The following UNKL variants were observed in gnomAD, a reference collection of about 807,000 sequenced individuals.
UNKL encodes putative E3 ubiquitin-protein ligase UNKL.
A neutral mutation model predicts 78.0 loss-of-function variants in UNKL; 60 were observed. The ratio of observed to expected loss-of-function variants is 0.77; its 90% CI spans 0.63 to 0.95. The LOEUF is 0.95. Among genes scored for constraint, UNKL ranks in the 40% least tolerant of loss-of-function variants. The pLI is 0.00. For missense variants in UNKL, 1,159 were observed against 1,045.7 expected (o/e 1.11, Z -1.49); for synonymous variants, 608 against 474.8 (o/e 1.28, Z -3.65).
intron 2 of UNKL, chr16:1,405,926 C>G (rs984778482): frequency 8.8e-6 from 4 of 456,468 alleles, no homozygotes; most frequent in African/African-American, 8.0e-5. Flanking sequence ...GGAGGGTCCA[C>G]CAGACCCCCT....
intron 6 of UNKL, among the ~76,000 whole-genome samples, chr16:1,395,331 C>T (rs567414598): frequency 6.6e-5 from 10 of 151,962 alleles, no homozygotes; most frequent in Non-Finnish European, 1.5e-4. Flanking sequence ...CCAAACCTGG[C>T]TAATTTTTGT....
At chr16:1,405,822 G>A (rs958020098) in intron 2 of UNKL, 1 of 401,102 alleles carries the variant, frequency 2.5e-6, no homozygotes, top group Admixed American at 2.7e-5. Context: ...ACGCTCCAAT[G>A]CCCTGGACCC....
intron 5 of UNKL, chr16:1,398,679 G>GCCGCGC: frequency 7.4e-7 from 1 of 1,356,390 alleles, no homozygotes; most frequent in Non-Finnish European, 9.5e-7. Flanking sequence ...TGTGGGGTCT[G>GCCGCGC]CACCCCCCCA....
In UNKL at chr16:1,403,630, C is replaced by T. The variant is rs978951105; in HGVS notation, c.288-286G>A. 6.6e-6 allele frequency among the ~76,000 whole-genome samples: 1 copy of T among 152,204 alleles called. No individual in the cohort carries two copies. On this transcript the variant is annotated intron_variant, in intron 2 of 14. Coordinates refer to ENST00000389221, the MANE Select transcript of UNKL (RefSeq NM_001372107.1). The surrounding 1 kb of genome is among the most constrained non-coding windows in gnomAD (Gnocchi z 4.8). Reference sequence around the variant, plus strand: ...AGTCAGCCAAACACAGCAGGAAACACAATGCTGAATTTCCACAAAGCTCAT... The same window carrying T: ...AGTCAGCCAAACACAGCAGGAAACATAATGCTGAATTTCCACAAAGCTCAT...
chr16:1,408,144 G>A (rs949335709), intron 2 of UNKL, among the ~76,000 whole-genome samples: 1 of 152,154 alleles, frequency 6.6e-6, no homozygotes, highest in Non-Finnish European at 1.5e-5. Flanking sequence ...GGAGAGGCCC[G>A]GGGTCCCGCG....
At chr16:1,397,119 C>A in intron 6 of UNKL, 59 bp downstream of exon 6, 1 of 1,507,344 alleles carries the variant, frequency 6.6e-7, no homozygotes, top group Admixed American at 2.0e-5. Flanking sequence ...GCTGTGAACC[C>A]CACAGCTTCT....
At position 1,364,091 on chromosome 16, in the gene UNKL, T is replaced by C. The variant is rs995266362; in HGVS notation, c.*2149A>G. On this transcript the variant is annotated 3_prime_UTR_variant, in exon 15 of 15. Transcript: ENST00000389221. ...TGGGAACCAAGTGCATAAATACAAA[T>C]AAAAACAGAGTTTACACATCGATGA... 6.6e-6 allele frequency: 1 copy of C among 152,076 alleles called. No individual in the cohort carries two copies. The highest frequency in any genetic ancestry group is 1.5e-5 in the Non-Finnish European group (1 of 68,002). The allele number at this position is 152,076 out of a possible 1,614,324, so 9.4% of individuals were successfully genotyped here.
At chr16:1,369,143 C>T (rs1327689547) in intron 12 of UNKL, among the ~76,000 whole-genome samples, 2 of 141,010 alleles carry the variant, frequency 1.4e-5, no homozygotes, top group African/African-American at 5.2e-5. Context: ...AATCTCAGCT[C>T]ACTGCGACCT....
intron 8 of UNKL, among the ~76,000 whole-genome samples, 199 bp from the exon 9 acceptor site, chr16:1,390,893 G>A (rs937280590): frequency 2.0e-5 from 3 of 152,116 alleles, no homozygotes; most frequent in African/African-American, 7.2e-5. Flanking sequence ...AGCCAGGCGT[G>A]GTGGCACATG....
At chr16:1,367,507 T>G (rs1177799026) in intron 13 of UNKL, 149 bp downstream of exon 13, 5 of 26,400 alleles carry the variant, frequency 1.9e-4, no homozygotes, top group Non-Finnish European at 3.1e-4. Flanking sequence ...CCTCCCTCCC[T>G]CCCTCCCCCT....
Position 1,371,623 on chromosome 16 carries a change from GCC to G in UNKL, c.1265-14_1265-13del. On this transcript the variant is annotated splice_polypyrimidine_tract_variant and intron_variant, in intron 10 of 14. Coordinates refer to ENST00000389221, the MANE Select transcript of UNKL (RefSeq NM_001372107.1). ...GTCTAACGCAGAACCTGTCAACAGA[GCC>G]CCCCATCATCCACAGCCCACCCAGC... 1 of 1,535,778 alleles carries G rather than the reference GCC, an allele frequency of 6.5e-7. No individual in the cohort carries two copies.
In UNKL at chr16:1,399,560, G is replaced by C; in HGVS notation, c.599-51C>G. On this transcript the variant is annotated intron_variant, in intron 4 of 14. Coordinates refer to ENST00000389221, the MANE Select transcript of UNKL (RefSeq NM_001372107.1). The surrounding 1 kb of genome is among the most constrained non-coding windows in gnomAD (Gnocchi z 5.8). ...GAGCAGCGCGACTGGAAGCAATGCT[G>C]GGCAGAGGAGACCAAAGGTGGAAGG... is the stretch of plus-strand genomic sequence containing the variant. 1 of 1,554,810 alleles carries C rather than the reference G, an allele frequency of 6.4e-7. No individual in the cohort carries two copies. Among genetic ancestry groups the C allele is most frequent in the Non-Finnish European group, 8.7e-7 (1 of 1,153,540 alleles).
intron 2 of UNKL, among the ~76,000 whole-genome samples, chr16:1,410,503 A>G (rs979897254): frequency 6.6e-6 from 1 of 152,076 alleles, no homozygotes. Flanking sequence ...GCTACTTGGG[A>G]GGCTGAGGCA....
At chr16:1,389,580 A>G (rs2036958292) in intron 9 of UNKL, among the ~76,000 whole-genome samples, 1 of 152,184 alleles carries the variant, frequency 6.6e-6, no homozygotes, top group African/African-American at 2.4e-5. Context: ...GCCTCAAAAA[A>G]TTTAAGAATC....
chr16:1,385,378 A>G lies in UNKL; in HGVS notation c.1094T>C (p.Leu365Pro). The G allele has an allele frequency of 4.3e-6, 6 of 1,394,334 alleles. No homozygotes were observed. The highest frequency in any genetic ancestry group is 5.6e-6 in the Non-Finnish European group (6 of 1,076,356). 86.4% of individuals were successfully genotyped at this position (1,394,334 alleles called of 1,614,324 possible). A position where few individuals can be genotyped will look rare whatever the true frequency, so the allele number is the denominator to read the frequency against. The change falls in exon 10 of 15, where the codon CTG becomes CCG. Residue 365 changes from leucine (L) to proline (P), a missense_variant. Physicochemically the swap from Leu to Pro is moderately conservative, Grantham distance 98. Transcript: ENST00000389221. ...CGGGTGGACCGCTGCAAACACGGCC[A>G]GGTGGTTCTGTTCAAAGACATAAAC... ...GSEQDSKQNH[L>P]AVFAAVHPPA...
Position 1,366,166 on chromosome 16 carries a change from G to C in UNKL, c.*74C>G. 7.1e-7 allele frequency: 1 copy of C among 1,406,494 alleles called. No homozygotes were observed. The highest frequency in any genetic ancestry group is 9.3e-7 in the Non-Finnish European group (1 of 1,070,948). 87.1% of individuals were successfully genotyped at this position (1,406,494 alleles called of 1,614,324 possible). A position where few individuals can be genotyped will look rare whatever the true frequency, so the allele number is the denominator to read the frequency against. ...CTCACGTCGGTGGCACCAGAAGCGA[G>C]TGACGACATGTCCGTGGTCAGGAGG... is the stretch of plus-strand genomic sequence containing the variant. On this transcript the variant is annotated 3_prime_UTR_variant, in exon 15 of 15. Transcript: ENST00000389221.
intron 4 of UNKL, among the ~76,000 whole-genome samples, chr16:1,400,417 C>CAAAAAAAAAAAAAAAAAA (rs56093103): frequency 1.3e-4 from 4 of 30,760 alleles, no homozygotes; most frequent in African/African-American, 3.6e-4. Flanking sequence ...GACTCCATCT[C>CAAAAAAAAAAAAAAAAAA]AAAAAAAAAA....
chr16:1,368,895 A>G (rs2035540599), intron 12 of UNKL, among the ~76,000 whole-genome samples: 1 of 151,916 alleles, frequency 6.6e-6, no homozygotes, highest in African/African-American at 2.4e-5. Context: ...TGTTTTAAAA[A>G]AATAAAAACT....
chr16:1,385,706 C>T (rs1596709348), intron 9 of UNKL, among the ~76,000 whole-genome samples: 3 of 152,236 alleles, frequency 2.0e-5, no homozygotes, highest in Non-Finnish European at 4.4e-5. Context: ...GATGTGTCAG[C>T]GGCCAGGAGC....
Sources: gnomAD v4.1 joint callset for allele counts (sites outside exome capture counted in the v4.1 genomes callset) on GRCh38, gnomAD v4.1.1 for gene constraint, Gnocchi (gnomAD v3.1) non-coding constraint, MANE v1.5 for transcripts, NCBI Gene and HGNC (gene_info 2026-07-23, HGNC 2026-07-21) for gene names.